MAP2K3: variants seen among roughly 807,000 people sequenced by gnomAD.
MAP2K3 encodes mitogen-activated protein kinase kinase 3, also known as dual specificity mitogen-activated protein kinase kinase 3.
MAP2K3 carries 30 observed loss-of-function variants against 46.4 expected under a neutral mutation model. That is an observed-to-expected ratio of 0.65 (90% CI 0.48 to 0.88). The LOEUF (loss-of-function observed/expected upper bound fraction) is 0.88. Among genes scored for constraint, MAP2K3 ranks in the 40% least tolerant of loss-of-function variants. The pLI, the probability that MAP2K3 is intolerant of heterozygous loss-of-function variation, is 0.00. For synonymous variants in MAP2K3, 189 were observed against 176.3 expected (o/e 1.07, Z -0.57); for missense variants, 380 against 464.5 (o/e 0.82, Z 1.67).
intron 7 of MAP2K3, among the ~76,000 whole-genome samples, chr17:21,304,138 C>T (rs1976757690): frequency 6.6e-6 from 1 of 152,298 alleles, no homozygotes; most frequent in Non-Finnish European, 1.5e-5. Context: ...GCACGGTGCT[C>T]CCAGCAAAGC....
intron 1 of MAP2K3, among the ~76,000 whole-genome samples, chr17:21,297,301 G>A (rs957466152): frequency 6.6e-6 from 1 of 152,310 alleles, no homozygotes; most frequent in Non-Finnish European, 1.5e-5. Flanking sequence ...CAGGGCCATG[G>A]GCAGTTTCTA....
rs1211311876 is a variant in MAP2K3 at position 21,302,273 on chromosome 17, G to C, written c.516+14G>C. 5.0e-6 allele frequency: 8 copies of C among 1,612,776 alleles called. No individual in the cohort carries two copies. Among genetic ancestry groups the C allele is most frequent in the African/African-American group, 1.3e-5 (1 of 75,052 alleles). Reference sequence around the variant, plus strand: ...ATTGCTGTGTCTGTGAGTGGCCTGGGTGGGCTGGCGGGGGGTCCTAGGTGC... The same window carrying C: ...ATTGCTGTGTCTGTGAGTGGCCTGGCTGGGCTGGCGGGGGGTCCTAGGTGC... On this transcript the variant is annotated intron_variant, in intron 6 of 11. Transcript: ENST00000342679.
intron 1 of MAP2K3, chr17:21,288,078 G>A (rs1337271645): frequency 1.6e-6 from 2 of 1,289,124 alleles, no homozygotes; most frequent in African/African-American, 3.0e-5. Flanking sequence ...CCGGGGCAGC[G>A]GAGGCTTCCG....
chr17:21,296,298 G>T (rs1274272427), intron 1 of MAP2K3: 3 of 826,216 alleles, frequency 3.6e-6, no homozygotes, highest in Non-Finnish European at 5.2e-6. Flanking sequence ...CAGAGCTGGA[G>T]TTTACCACGG....
chr17:21,295,537 C>G lies in MAP2K3; in HGVS notation c.50-2876C>G, dbSNP rs1976190334. On this transcript the variant is annotated intron_variant, in intron 1 of 11. Transcript: ENST00000342679. ...CCCTGGGCTGCCTGGCCATCTGGGC[C>G]CAGCTCTGACGTCTGCAGCAGCCTG... 12 of 1,217,178 alleles carry G rather than the reference C, an allele frequency of 9.9e-6. No individual in the cohort carries two copies. In the South Asian group the frequency reaches 1.7e-4, roughly 17 times the overall value. 75.4% of individuals were successfully genotyped at this position (1,217,178 alleles called of 1,614,324 possible).
At chr17:21,285,837 G>A (rs1975708212) in intron 1 of MAP2K3, among the ~76,000 whole-genome samples, 1 of 152,198 alleles carries the variant, frequency 6.6e-6, no homozygotes, top group South Asian at 2.1e-4. Flanking sequence ...TTTTTGTGAG[G>A]TGGCAGCAGC....
rs1032395623 is a variant in MAP2K3 at position 21,284,784 on chromosome 17, C to CGCT, written c.-135_-134insTGC. The stretch of plus-strand genomic sequence containing the variant: ...CCGCCGCAGTCCTCGCCGCAGTCGC[C>CGCT]GCCGCCGCCGCCGCCGCCGCCGCTG... On this transcript the variant is annotated 5_prime_UTR_variant, in exon 1 of 12. Coordinates refer to ENST00000342679, the MANE Select transcript of MAP2K3 (RefSeq NM_145109.3). 25 of 965,686 alleles carry CGCT rather than the reference C, an allele frequency of 2.6e-5. No individual in the cohort carries two copies. In the Admixed American group the frequency reaches 7.6e-4, roughly 29 times the overall value. The allele number at this position is 965,686 out of a possible 1,614,324, so 59.8% of individuals were successfully genotyped here.
intron 5 of MAP2K3, among the ~76,000 whole-genome samples, chr17:21,301,936 C>T (rs568696550): frequency 1.9e-3 from 282 of 152,272 alleles, no homozygotes; most frequent in Non-Finnish European, 3.2e-3. Flanking sequence ...AGGAGGCTGG[C>T]GCCCGAACCT....
intron 7 of MAP2K3, 68 bp from the exon 8 acceptor site, chr17:21,304,358 T>C: frequency 6.2e-7 from 1 of 1,613,024 alleles, no homozygotes; most frequent in Non-Finnish European, 8.5e-7. Context: ...GGCACAGCTA[T>C]GCAGAGCATG....
intron 3 of MAP2K3, among the ~76,000 whole-genome samples, chr17:21,299,146 T>C (rs1214116427): frequency 2.6e-5 from 4 of 152,424 alleles, no homozygotes; most frequent in Admixed American, 2.0e-4. Flanking sequence ...TGACTGGAGC[T>C]TGGCGAGCCC....
chr17:21,291,686 ACC>A (rs1366653971), intron 1 of MAP2K3: 1 of 425,862 alleles, frequency 2.3e-6, no homozygotes, highest in African/African-American at 2.0e-5. Flanking sequence ...CACCGATCTG[ACC>A]CCTTTTGTGC....
At position 21,300,629 on chromosome 17, in the gene MAP2K3, G is replaced by T. The variant is rs2305873; in HGVS notation, c.250G>T (p.Ala84Ser). 2.6e-6 allele frequency: 4 copies of T among 1,531,164 alleles called. No homozygotes were observed. The highest frequency in any genetic ancestry group is 4.6e-5 in the East Asian group (2 of 43,432). 94.8% of individuals were successfully genotyped at this position (1,531,164 alleles called of 1,614,324 possible). A position where few individuals can be genotyped will look rare whatever the true frequency, so the allele number is the denominator to read the frequency against. ...TGGGGTGGTAGAGAAGGTGCGGCAC[G>T]CCCAGAGCGGCACCATCATGGCCGT... ...AYGVVEKVRH[A>S]QSGTIMAVKR... The change falls in exon 4 of 12, where the codon GCC (alanine) becomes TCC (serine). Residue 84 changes from alanine (A) to serine (S), a missense_variant. Around this residue, in one of 5 missense-constraint regions of MAP2K3, gnomAD observed 294 missense variants for 275.4 expected, o/e 1.07. Transcript: ENST00000342679.
In MAP2K3 at chr17:21,314,131, C is replaced by T; in HGVS notation, c.961-16C>T. The T allele has an allele frequency of 1.2e-6, 2 of 1,602,184 alleles. No individual in the cohort carries two copies. Among genetic ancestry groups the T allele is most frequent in the Non-Finnish European group, 8.6e-7 (1 of 1,169,248 alleles). ...CGCTACCCCTCCATGGTGACTGTGC[C>T]TTCTGTCACCCCCAGGAGCACCCCT... On this transcript the variant is annotated splice_polypyrimidine_tract_variant and intron_variant, in intron 11 of 11. Coordinates refer to ENST00000342679, the MANE Select transcript of MAP2K3 (RefSeq NM_145109.3).
At position 21,302,128 on chromosome 17, in the gene MAP2K3, G is replaced by C. The variant is rs188774556; in HGVS notation, c.400-15G>C. 1,225 of 1,612,366 alleles carry C rather than the reference G, an allele frequency of 7.6e-4. No individual in the cohort carries two copies. Among genetic ancestry groups the C allele is most frequent in the Admixed American group, 1.1e-3 (65 of 59,924 alleles). On this transcript the variant is annotated splice_polypyrimidine_tract_variant and intron_variant, in intron 5 of 11. Coordinates refer to ENST00000342679, the MANE Select transcript of MAP2K3 (RefSeq NM_145109.3). Reference sequence around the variant, plus strand: ...CAGCCCGGCAGCCTGGCTGAGCTCTGGGTGTCACCCACAGGGAGACGTGTG... The same window carrying C: ...CAGCCCGGCAGCCTGGCTGAGCTCTCGGTGTCACCCACAGGGAGACGTGTG...
intron 9 of MAP2K3, among the ~76,000 whole-genome samples, chr17:21,305,771 A>C (rs542500812): frequency 0.01 from 1,594 of 152,198 alleles, no homozygotes; most frequent in African/African-American, 0.033. Context: ...AGGGATGGGA[A>C]GACCACCAGG....
At chr17:21,299,046 G>C (rs1305232304) in intron 3 of MAP2K3, 120 bp downstream of exon 3, 1 of 1,455,490 alleles carries the variant, frequency 6.9e-7, no homozygotes, top group Non-Finnish European at 9.6e-7. Context: ...TCAGGCTCTG[G>C]AGAAGAGCCT....
At chr17:21,302,563 A>G (rs1434274655) in intron 6 of MAP2K3, among the ~76,000 whole-genome samples, 1 of 152,310 alleles carries the variant, frequency 6.6e-6, no homozygotes, top group Non-Finnish European at 1.5e-5. Context: ...GGAATTTAGT[A>G]TTTACAACAG....
intron 1 of MAP2K3, among the ~76,000 whole-genome samples, chr17:21,290,486 C>G (rs1476211500): frequency 6.6e-6 from 1 of 152,312 alleles, no homozygotes; most frequent in Non-Finnish European, 1.5e-5. Flanking sequence ...TTCCAGGTGG[C>G]AGGGCTGGTT....
chr17:21,285,216 T>C (rs1005882635), intron 1 of MAP2K3: 1 of 984,726 alleles, frequency 1.0e-6, no homozygotes, highest in African/African-American at 1.7e-5. Flanking sequence ...AGACTAGGAC[T>C]TTGTTCTGCT....
Sources: gnomAD v4.1 joint callset for allele counts (sites outside exome capture counted in the v4.1 genomes callset) on GRCh38, gnomAD v4.1.1 for gene constraint, gnomAD v4.1.1 regional missense constraint, MANE v1.5 for transcripts, NCBI Gene and HGNC (gene_info 2026-07-23, HGNC 2026-07-21) for gene names.